RASA1: variants seen among roughly 807,000 people sequenced by gnomAD.
RASA1 encodes RAS p21 protein activator 1, also known as ras GTPase-activating protein 1.
A neutral mutation model predicts 132.2 loss-of-function variants in RASA1; 25 were observed. The ratio of observed to expected loss-of-function variants is 0.19; its 90% CI spans 0.14 to 0.26. The LOEUF is 0.26. Among genes scored for constraint, RASA1 ranks in the 10% least tolerant of loss-of-function variants. The probability of loss-of-function intolerance (pLI) is 1.00; values close to 1 mark genes in which losing one functional copy is unlikely to be tolerated. For synonymous variants in RASA1, 477 were observed against 449.9 expected (o/e 1.06, Z -0.76); for missense variants, 964 against 1,299.2 (o/e 0.74, Z 3.97).
rs1300904136 is a variant in RASA1, at chr5:87,268,503, G to A, written c.52G>A (p.Ala18Thr). 1.3e-6 allele frequency: 2 copies of A among 1,568,880 alleles called. No individual in the cohort carries two copies. The highest frequency in any genetic ancestry group is 1.7e-6 in the Non-Finnish European group (2 of 1,157,956). The change falls in exon 1 of 25, where the codon GCT (alanine) becomes ACT (threonine). Residue 18 changes from alanine to threonine, a missense_variant. Coordinates refer to ENST00000274376, the MANE Select transcript of RASA1 (RefSeq NM_002890.3). ...SEEGGPVTAG[A>T]GGGGAAAGSS... The stretch of plus-strand genomic sequence containing the variant: ...GGAGGGCGGCCCGGTAACAGCCGGA[G>A]CTGGAGGAGGCGGCGCGGCAGCGGG...
At chr5:87,270,277 G>C (rs1196380023) in intron 1 of RASA1, among the ~76,000 whole-genome samples, 1 of 148,014 alleles carries the variant, frequency 6.8e-6, no homozygotes, top group Admixed American at 6.7e-5. Context: ...CAACTTTGTT[G>C]AATATCAAGA....
chr5:87,390,713 GAT>G, intron 24 of RASA1, 85 bp from the exon 25 acceptor site: 1 of 1,075,526 alleles, frequency 9.3e-7, no homozygotes, highest in South Asian at 1.3e-5. Context: ...CTTTTGCTTT[GAT>G]ACAGTTTTTT....
rs112668530 is a variant in RASA1, at chr5:87,279,521, C to T, written c.539+10531C>T. Among the ~76,000 whole-genome samples the T allele has an allele frequency of 4.2e-3, 634 of 152,070 alleles. 9 individuals carry two copies. The highest frequency in any genetic ancestry group is 0.015 in the African/African-American group (606 of 41,472). ...TTTTCATTTCTGTCAGTTAAGTCCC[C>T]GAGAGTACAATTACTGGATTGTATG... On this transcript the variant is annotated intron_variant, in intron 1 of 24. Coordinates refer to ENST00000274376, the MANE Select transcript of RASA1 (RefSeq NM_002890.3).
At chr5:87,289,420 T>C (rs1377963769) in intron 1 of RASA1, among the ~76,000 whole-genome samples, 1 of 152,186 alleles carries the variant, frequency 6.6e-6, no homozygotes, top group Non-Finnish European at 1.5e-5. Flanking sequence ...TATTTTTACC[T>C]GAATCATTTA....
chr5:87,323,100 G>A (rs891712463), intron 1 of RASA1, among the ~76,000 whole-genome samples: 1 of 152,158 alleles, frequency 6.6e-6, no homozygotes, highest in Admixed American at 6.5e-5. Flanking sequence ...TGAGCTGATG[G>A]ATAACTGATA....
At position 87,389,321 on chromosome 5, in the gene RASA1, A is replaced by C. The variant is rs903398424; in HGVS notation, c.2926-72A>C. The C allele has an allele frequency of 2.5e-6, 4 of 1,582,588 alleles. No individual in the cohort carries two copies. The South Asian group carries it at 3.3e-5, about 13-fold the overall frequency. The stretch of plus-strand genomic sequence containing the variant: ...ATTTCAGCCTGGGCAACAAGAGCGA[A>C]ACTCTGTCTCAAAAAAAACAAAAAA... On this transcript the variant is annotated intron_variant, in intron 23 of 24. Coordinates refer to ENST00000274376, the MANE Select transcript of RASA1 (RefSeq NM_002890.3).
chr5:87,296,598 G>C (rs1755129530), intron 1 of RASA1, among the ~76,000 whole-genome samples: 1 of 144,824 alleles, frequency 6.9e-6, no homozygotes, highest in Non-Finnish European at 1.5e-5. Context: ...TTAGGTTCAT[G>C]TTTTTTTTCT....
intron 1 of RASA1, among the ~76,000 whole-genome samples, chr5:87,289,908 T>C (rs1754842721): frequency 6.6e-6 from 1 of 151,966 alleles, no homozygotes; most frequent in Admixed American, 6.6e-5. Context: ...CGTGCCTGGC[T>C]TAATTTTGTT....
intron 1 of RASA1, among the ~76,000 whole-genome samples, chr5:87,282,555 A>T (rs1754363699): frequency 1.3e-5 from 2 of 152,248 alleles, no homozygotes; most frequent in South Asian, 4.2e-4. Flanking sequence ...TACCTGTTTG[A>T]GATTTGATCA....
rs1165710847 is a variant in RASA1, at chr5:87,372,603, A to C, written c.1776+408A>C. 2.0e-5 allele frequency among the ~76,000 whole-genome samples: 3 copies of C among 152,194 alleles called. No individual in the cohort carries two copies. In the East Asian group the frequency reaches 5.8e-4, roughly 29 times the overall value. ...GAACAGCTTTTAAAACCTACTGCTTAACTCTTAGGAAATATTTAATCTTAT... is the reference window on the plus strand; with the variant it reads ...GAACAGCTTTTAAAACCTACTGCTTCACTCTTAGGAAATATTTAATCTTAT... On this transcript the variant is annotated intron_variant, in intron 13 of 24. Transcript: ENST00000274376.
chr5:87,355,368 T>G (rs1759573410), intron 9 of RASA1, among the ~76,000 whole-genome samples: 1 of 152,172 alleles, frequency 6.6e-6, no homozygotes, highest in South Asian at 2.1e-4. Context: ...GCATCAGAAT[T>G]ATGCCAAATC....
intron 1 of RASA1, among the ~76,000 whole-genome samples, chr5:87,321,420 T>G (rs1291926323): frequency 2.0e-5 from 3 of 152,216 alleles, no homozygotes; most frequent in African/African-American, 7.2e-5. Flanking sequence ...GGGCTCAGTC[T>G]TGGGGTCTGG....
intron 8 of RASA1, among the ~76,000 whole-genome samples, chr5:87,351,067 T>G (rs1409267751): frequency 1.3e-5 from 2 of 151,710 alleles, no homozygotes; most frequent in African/African-American, 4.8e-5. Context: ...CATACTCTGC[T>G]GTCCCATCTC....
At chr5:87,276,964 C>A (rs6452748) in intron 1 of RASA1, among the ~76,000 whole-genome samples, 10,677 of 152,126 alleles carry the variant, frequency 0.07, 852 homozygotes, top group African/African-American at 0.2. Context: ...GATTCTCATA[C>A]TGTTTCACAT....
intron 9 of RASA1, among the ~76,000 whole-genome samples, chr5:87,359,483 T>C (rs2112448138): frequency 6.6e-6 from 1 of 152,278 alleles, no homozygotes. Context: ...GTCCCCACTT[T>C]AATATGATTT....
chr5:87,279,135 C>T (rs557886634), intron 1 of RASA1, among the ~76,000 whole-genome samples: 11 of 152,150 alleles, frequency 7.2e-5, no homozygotes, highest in African/African-American at 2.6e-4. Flanking sequence ...CCCAGCTATT[C>T]AGGAGGCTGA....
At chr5:87,288,741 CA>C (rs1385928110) in intron 1 of RASA1, among the ~76,000 whole-genome samples, 2 of 152,010 alleles carry the variant, frequency 1.3e-5, no homozygotes, top group Non-Finnish European at 2.9e-5. Context: ...AACTTTACCC[CA>C]AGTATTTGTG....
intron 18 of RASA1, 68 bp downstream of exon 18, chr5:87,378,606 C>A: frequency 6.9e-7 from 1 of 1,441,262 alleles, no homozygotes; most frequent in Non-Finnish European, 9.6e-7. Context: ...AATTTGTAGC[C>A]AATTACATTT....
Position 87,391,198 on chromosome 5 carries a change from A to G in RASA1, c.*315A>G, listed in dbSNP as rs1762489551. ...TCTTGATATCTCGAACTTTCAAAAT[A>G]TATTTTCAGTACACCCAGTTGCCAA... On this transcript the variant is annotated 3_prime_UTR_variant, in exon 25 of 25. Coordinates refer to ENST00000274376, the MANE Select transcript of RASA1 (RefSeq NM_002890.3). The G allele has an allele frequency of 2.1e-6, 1 of 465,958 alleles. No homozygotes were observed. The highest frequency in any genetic ancestry group is 3.5e-5 in the East Asian group (1 of 28,346). The allele number at this position is 465,958 out of a possible 1,614,324, so 28.9% of individuals were successfully genotyped here.
Sources: allele counts gnomAD v4.1 joint callset (sites outside exome capture counted in the v4.1 genomes callset), GRCh38; gene constraint gnomAD v4.1.1; transcripts MANE v1.5; gene names NCBI Gene and HGNC (gene_info 2026-07-23, HGNC 2026-07-21).